The following ARHGAP35 variants were observed in gnomAD, a reference collection of about 807,000 sequenced individuals.
ARHGAP35 encodes Rho GTPase activating protein 35.
ARHGAP35 carries 15 observed loss-of-function variants against 111.1 expected under a neutral mutation model. The ratio of observed to expected loss-of-function variants is 0.13; its 90% CI spans 0.09 to 0.21. The LOEUF is 0.21. Ranked by LOEUF, ARHGAP35 falls within the 10% of genes least tolerant of loss-of-function variation. ARHGAP35 has a pLI of 1.00. For missense variants in ARHGAP35, 1,262 were observed against 1,873.0 expected (o/e 0.67, Z 6.02); for synonymous variants, 643 against 710.3 (o/e 0.91, Z 1.51).
At chr19:46,876,238 C>T (rs1414145712) in intron 1 of ARHGAP35, among the ~76,000 whole-genome samples, 5 of 151,310 alleles carry the variant, frequency 3.3e-5, no homozygotes, top group African/African-American at 1.2e-4. Flanking sequence ...AGGATCTCAC[C>T]CACGTTCCAT....
intron 1 of ARHGAP35, among the ~76,000 whole-genome samples, chr19:46,873,858 C>G (rs1291213223): frequency 6.6e-6 from 1 of 151,956 alleles, no homozygotes; most frequent in Non-Finnish European, 1.5e-5. Context: ...ACGCCATTCT[C>G]TGGCCTCAGC....
At position 46,921,531 on chromosome 19, in the gene ARHGAP35, T is replaced by C. The variant is rs2056200421; in HGVS notation, c.2856T>C (p.His952=). ...VEKKNIIEAT[H]MYDNAAEACS... ...AAAAGAACATAATCGAGGCTACTCA[T>C]ATGTACGATAATGCTGCCGAGGCCT... Residue 952 remains histidine, a synonymous_variant, in exon 2 of 7, where the codon CAT becomes CAC. Coordinates refer to ENST00000672722, the MANE Select transcript of ARHGAP35 (RefSeq NM_004491.5). The surrounding 1 kb of genome is among the most constrained non-coding windows in gnomAD (Gnocchi z 4.3). 1 of 1,613,896 alleles carries C rather than the reference T, an allele frequency of 6.2e-7. No individual in the cohort carries two copies. The highest frequency in any genetic ancestry group is 1.3e-5 in the African/African-American group (1 of 74,930).
chr19:46,905,697 A>G (rs1242129348), intron 1 of ARHGAP35, among the ~76,000 whole-genome samples: 1 of 152,140 alleles, frequency 6.6e-6, no homozygotes, highest in Non-Finnish European at 1.5e-5. Flanking sequence ...CTACAGGCAC[A>G]TGCCACCATG....
At chr19:46,991,577 T>C (rs187176036) in intron 5 of ARHGAP35, among the ~76,000 whole-genome samples, 2 of 152,210 alleles carry the variant, frequency 1.3e-5, no homozygotes, top group Admixed American at 6.5e-5. Flanking sequence ...CCTCTTCCCA[T>C]TGTGTGTTTC....
At chr19:46,882,327 A>G (rs1219614607) in intron 1 of ARHGAP35, among the ~76,000 whole-genome samples, 1 of 151,746 alleles carries the variant, frequency 6.6e-6, no homozygotes, top group East Asian at 1.9e-4. Flanking sequence ...TTGTAGAGAC[A>G]GGATCAGCGT....
chr19:46,960,628 T>A (rs1479448305), intron 3 of ARHGAP35, among the ~76,000 whole-genome samples: 1 of 152,192 alleles, frequency 6.6e-6, no homozygotes. Context: ...TGTAGAATCG[T>A]TAGAAGTAAA....
intron 1 of ARHGAP35, among the ~76,000 whole-genome samples, chr19:46,897,486 A>G (rs2056063663): frequency 6.9e-6 from 1 of 144,102 alleles, no homozygotes; most frequent in African/African-American, 2.6e-5. Flanking sequence ...CTTTCTATTT[A>G]TCTTGGCTTA....
At chr19:46,905,555 AC>A (rs201154399) in intron 1 of ARHGAP35, among the ~76,000 whole-genome samples, 2,247 of 103,748 alleles carry the variant, frequency 0.022, 24 homozygotes, top group African/African-American at 0.045. Context: ...TTTGTATTCC[AC>A]CCCCCCCCCC....
chr19:46,936,351 T>C (rs960120633), intron 2 of ARHGAP35, among the ~76,000 whole-genome samples: 26 of 152,204 alleles, frequency 1.7e-4, no homozygotes, highest in African/African-American at 6.3e-4. Context: ...TTGAAGAAGG[T>C]GACTAGGGAA....
At position 46,989,337 on chromosome 19, in the gene ARHGAP35, G is replaced by C. The variant is rs1393683926; in HGVS notation, c.3905-207G>C. ...GAGTGGTAGAAGGGGCAGTTCAGCA[G>C]TCTCGGAAAGAGGTGCTGGGGCCAG... On this transcript the variant is annotated intron_variant, in intron 4 of 6. Transcript: ENST00000672722. The surrounding 1 kb of genome is among the most constrained non-coding windows in gnomAD (Gnocchi z 5.3). 1 of 564,424 alleles carries C rather than the reference G, an allele frequency of 1.8e-6. No individual in the cohort carries two copies. The highest frequency in any genetic ancestry group is 1.9e-5 in the African/African-American group (1 of 52,868). 35.0% of individuals were successfully genotyped at this position (564,424 alleles called of 1,614,324 possible). A position where few individuals can be genotyped will look rare whatever the true frequency, so the allele number is the denominator to read the frequency against.
chr19:46,938,347 AT>A (rs1398408577), intron 3 of ARHGAP35, among the ~76,000 whole-genome samples: 1 of 151,420 alleles, frequency 6.6e-6, no homozygotes, highest in African/African-American at 2.4e-5. Context: ...TTATTATTTT[AT>A]TTTTATTTTT....
At chr19:46,987,658 A>G (rs2056658544) in intron 3 of ARHGAP35, among the ~76,000 whole-genome samples, 1 of 152,234 alleles carries the variant, frequency 6.6e-6, no homozygotes, top group Non-Finnish European at 1.5e-5. Flanking sequence ...GGGTTAAAAT[A>G]TATACTACCT....
At position 46,993,424 on chromosome 19, in the gene ARHGAP35, G is replaced by A. The variant is rs1409979235; in HGVS notation, c.4036+3749G>A. ...GCAGCCTGGCTGCCAGTGATGGCAA[G>A]TGGCGCAGCACAGCCAGGGCAGGAG... On this transcript the variant is annotated intron_variant, in intron 5 of 6. Coordinates refer to ENST00000672722, the MANE Select transcript of ARHGAP35 (RefSeq NM_004491.5). This position sits in a 1 kb window ranked among gnomAD's most constrained non-coding sequence, Gnocchi z 4.6. 1.3e-5 allele frequency among the ~76,000 whole-genome samples: 2 copies of A among 152,262 alleles called. No individual in the cohort carries two copies. Among genetic ancestry groups the A allele is most frequent in the African/African-American group, 2.4e-5 (1 of 41,476 alleles).
chr19:46,933,836 T>G (rs2056288006), intron 2 of ARHGAP35, among the ~76,000 whole-genome samples: 1 of 152,180 alleles, frequency 6.6e-6, no homozygotes, highest in Non-Finnish European at 1.5e-5. Context: ...GAACTTATGC[T>G]AGGTTCTGGT....
chr19:46,891,421 G>GT (rs964404333), intron 1 of ARHGAP35, among the ~76,000 whole-genome samples: 1,641 of 144,600 alleles, frequency 0.011, 19 homozygotes, highest in African/African-American at 0.027. Context: ...GCTAGGGCAA[G>GT]TTTTTTTTTT....
intron 3 of ARHGAP35, among the ~76,000 whole-genome samples, chr19:46,963,845 G>T (rs949625277): frequency 6.6e-6 from 1 of 152,170 alleles, no homozygotes; most frequent in Non-Finnish European, 1.5e-5. Context: ...CATCAGAGAT[G>T]AGATTATTTT....
At chr19:46,973,546 C>T (rs1219006010) in intron 3 of ARHGAP35, among the ~76,000 whole-genome samples, 2 of 151,440 alleles carry the variant, frequency 1.3e-5, no homozygotes, top group Admixed American at 6.6e-5. Flanking sequence ...AAAACTTAGC[C>T]GGGTGTGGTG....
intron 1 of ARHGAP35, among the ~76,000 whole-genome samples, chr19:46,880,087 A>G (rs2055952230): frequency 3.3e-5 from 5 of 151,756 alleles, no homozygotes; most frequent in Admixed American, 3.3e-4. Context: ...CAATGTCTCA[A>G]AAAATAAATA....
intron 1 of ARHGAP35, among the ~76,000 whole-genome samples, chr19:46,897,178 C>T (rs1268293828): frequency 2.6e-5 from 4 of 151,758 alleles, no homozygotes; most frequent in African/African-American, 7.3e-5. Context: ...GGGTTACAGG[C>T]GTGAGCCATC....
Sources: allele counts gnomAD v4.1 joint callset (sites outside exome capture counted in the v4.1 genomes callset), GRCh38; gene constraint gnomAD v4.1.1; non-coding constraint Gnocchi (gnomAD v3.1); transcripts MANE v1.5; gene names NCBI Gene and HGNC (gene_info 2026-07-23, HGNC 2026-07-21).